Variants in ZNF431 observed in about 807,000 individuals in gnomAD.
The protein encoded by ZNF431 is zinc finger protein 431.
Under a neutral mutation model 57.0 loss-of-function variants are expected in ZNF431, and 34 were observed. That is an observed-to-expected ratio of 0.60 (90% CI 0.45 to 0.79). ZNF431 has a LOEUF of 0.79. Ranked by LOEUF, ZNF431 falls within the 30% of genes least tolerant of loss-of-function variation. The pLI is 0.00. For synonymous variants in ZNF431, 207 were observed against 220.3 expected (o/e 0.94, Z 0.54); for missense variants, 607 against 667.1 (o/e 0.91, Z 0.99).
intron 2 of ZNF431, among the ~76,000 whole-genome samples, chr19:21,160,247 G>A (rs1312591796): frequency 6.6e-6 from 1 of 152,056 alleles, no homozygotes; most frequent in African/African-American, 2.4e-5. Flanking sequence ...CTGAAACCCC[G>A]CTTTGAGAAT....
At position 21,144,374 on chromosome 19, in the gene ZNF431, A is replaced by AT. The variant is rs1026866610; in HGVS notation, c.96+740dup. Reference sequence around the variant, plus strand: ...CCACCACACCCAGCTAATTTTTTGTATTTTTTTTTAGTAGAGACAGGGTTT... The same window carrying AT: ...CCACCACACCCAGCTAATTTTTTGTATTTTTTTTTTAGTAGAGACAGGGTTT... On this transcript the variant is annotated intron_variant, in intron 2 of 4. Transcript: ENST00000311048. Among the ~76,000 whole-genome samples, 242 of 149,682 alleles carry AT rather than the reference A, an allele frequency of 1.6e-3. 1 individual carries two copies. The highest frequency in any genetic ancestry group is 5.3e-3 in the African/African-American group (215 of 40,750).
At position 21,150,229 on chromosome 19, in the gene ZNF431, G is replaced by A. The variant is rs562639365; in HGVS notation, c.96+6586G>A. 52 of 525,742 alleles carry A rather than the reference G, an allele frequency of 9.9e-5. No individual in the cohort carries two copies. The East Asian group carries it at 1.5e-3, about 16-fold the overall frequency. The allele number at this position is 525,742 out of a possible 1,614,324, so 32.6% of individuals were successfully genotyped here. On this transcript the variant is annotated intron_variant, in intron 2 of 4. Coordinates refer to ENST00000311048, the MANE Select transcript of ZNF431 (RefSeq NM_133473.4). ...TAATCACAGAAAAACACTTTCAGCCGCCTATAGAGGATGGCTCTTTGCTGC... is the reference window on the plus strand; with the variant it reads ...TAATCACAGAAAAACACTTTCAGCCACCTATAGAGGATGGCTCTTTGCTGC...
At chr19:21,152,808 G>A (rs899278197) in intron 2 of ZNF431, among the ~76,000 whole-genome samples, 7 of 152,014 alleles carry the variant, frequency 4.6e-5, no homozygotes, top group African/African-American at 1.7e-4. Flanking sequence ...TTTTCCTTTG[G>A]GTCAGAGGTC....
chr19:21,164,185 A>G (rs1350782770), intron 2 of ZNF431, among the ~76,000 whole-genome samples: 1 of 152,008 alleles, frequency 6.6e-6, no homozygotes, highest in Non-Finnish European at 1.5e-5. Flanking sequence ...GAAGGGCCTC[A>G]TGTGACTCTA....
At chr19:21,166,503 T>C in intron 3 of ZNF431, 42 bp downstream of exon 3, 1 of 1,552,540 alleles carries the variant, frequency 6.4e-7, no homozygotes, top group Non-Finnish European at 8.6e-7. Context: ...ATGCCCTAAA[T>C]GTTTCATGTC....
At chr19:21,162,964 C>T (rs898608187) in intron 2 of ZNF431, among the ~76,000 whole-genome samples, 6 of 151,230 alleles carry the variant, frequency 4.0e-5, no homozygotes, top group African/African-American at 1.5e-4. Flanking sequence ...TCCCTCCTAT[C>T]TGTCTATATT....
Position 21,193,033 on chromosome 19 carries a change from A to G in ZNF431, c.*8999A>G, listed in dbSNP as rs1456334480. 1 of 152,202 alleles carries G rather than the reference A, an allele frequency of 6.6e-6. No individual in the cohort carries two copies. Among genetic ancestry groups the G allele is most frequent in the African/African-American group, 2.4e-5 (1 of 41,448 alleles). 9.4% of individuals were successfully genotyped at this position (152,202 alleles called of 1,614,324 possible). ...AAACCAGGAAGGAACAGAACTCTTG[A>G]ACAGGGCAAAAATGTATAAAATATA... On this transcript the variant is annotated 3_prime_UTR_variant, in exon 5 of 5. Transcript: ENST00000311048.
At chr19:21,151,229 G>A (rs1324810890) in intron 2 of ZNF431, 1 of 151,996 alleles carries the variant, frequency 6.6e-6, no homozygotes, top group Non-Finnish European at 1.5e-5. Flanking sequence ...CTAATTTTTT[G>A]TATTTTTAGT....
rs1328798588 is a variant in ZNF431 at position 21,189,639 on chromosome 19, G to T, written c.*5605G>T. 4 of 354,056 alleles carry T rather than the reference G, an allele frequency of 1.1e-5. No homozygotes were observed. Among genetic ancestry groups the T allele is most frequent in the Admixed American group, 4.7e-5 (1 of 21,098 alleles). The allele number at this position is 354,056 out of a possible 1,614,324, so 21.9% of individuals were successfully genotyped here. On this transcript the variant is annotated 3_prime_UTR_variant, in exon 5 of 5. Coordinates refer to ENST00000311048, the MANE Select transcript of ZNF431 (RefSeq NM_133473.4). ...ATTTCTTCCATTTGACTATAATTAT[G>T]TATTATTTCACAAACATGTTTCCAG... is the stretch of plus-strand genomic sequence containing the variant.
rs759807857 is a variant in ZNF431 at position 21,167,634 on chromosome 19, T to C, written c.287T>C (p.Met96Thr). 5.0e-6 allele frequency: 8 copies of C among 1,588,586 alleles called. No homozygotes were observed. Among genetic ancestry groups the C allele is most frequent in the South Asian group, 1.1e-5 (1 of 89,330 alleles). Reference protein sequence around the residue: ...CLEQEKEPWNMKRHEMVDEPP... With the variant: ...CLEQEKEPWNTKRHEMVDEPP... ...GAGCAAGAAAAAGAGCCCTGGAATATGAAGAGACATGAGATGGTGGATGAA... is the reference window on the plus strand; with the variant it reads ...GAGCAAGAAAAAGAGCCCTGGAATACGAAGAGACATGAGATGGTGGATGAA... The change falls in exon 4 of 5, where the codon ATG (methionine) becomes ACG (threonine). Residue 96 changes from methionine (M) to threonine (T), a missense_variant. Transcript: ENST00000311048.
In ZNF431 at chr19:21,170,308, A is replaced by AT. The variant is rs373302025; in HGVS notation, c.319+2648dup. ...TGATGGCTGGCTGTCTCATGAAGGCATTTTTTGTCAGGGATGACTGAATAA... is the reference window on the plus strand; with the variant it reads ...TGATGGCTGGCTGTCTCATGAAGGCATTTTTTTGTCAGGGATGACTGAATAA... On this transcript the variant is annotated intron_variant, in intron 4 of 4. Coordinates refer to ENST00000311048, the MANE Select transcript of ZNF431 (RefSeq NM_133473.4). Among the ~76,000 whole-genome samples, 1,005 of 152,284 alleles carry AT rather than the reference A, an allele frequency of 6.6e-3. 16 individuals are homozygous for AT. Among genetic ancestry groups the AT allele is most frequent in the African/African-American group, 0.023 (974 of 41,556 alleles).
At chr19:21,165,010 G>A (rs1226755265) in intron 2 of ZNF431, among the ~76,000 whole-genome samples, 2 of 149,934 alleles carry the variant, frequency 1.3e-5, no homozygotes, top group African/African-American at 5.0e-5. Flanking sequence ...CTAGGAGGCT[G>A]AGGCAGGAGA....
In ZNF431 at chr19:21,144,423, C is replaced by T. The variant is rs181791038; in HGVS notation, c.96+780C>T. Among the ~76,000 whole-genome samples the T allele has an allele frequency of 2.6e-3, 391 of 152,012 alleles. 4 individuals carry two copies. Among genetic ancestry groups the T allele is most frequent in the Admixed American group, 7.2e-3 (110 of 15,276 alleles). ...TTCATCATGTTGGCCAGGCTGGTCT[C>T]GAACTCCTGACCTCAGATGATCTGC... On this transcript the variant is annotated intron_variant, in intron 2 of 4. Coordinates refer to ENST00000311048, the MANE Select transcript of ZNF431 (RefSeq NM_133473.4).
At chr19:21,142,540 C>T (rs867964812) in intron 1 of ZNF431, among the ~76,000 whole-genome samples, 1 of 152,180 alleles carries the variant, frequency 6.6e-6, no homozygotes, top group East Asian at 1.9e-4. Context: ...ATGGGAAGAG[C>T]TTTGTTCCGT....
At position 21,195,941 on chromosome 19, in the gene ZNF431, TGTG is replaced by T. The variant is rs1851093078; in HGVS notation, c.*11910_*11912del. On this transcript the variant is annotated 3_prime_UTR_variant, in exon 5 of 5. Transcript: ENST00000311048. The stretch of plus-strand genomic sequence containing the variant: ...TTAACTGGAAATCATATTCGTAAGT[TGTG>T]GTAGATATTATCATCAGTGTATTCA... 1 of 152,222 alleles carries T rather than the reference TGTG, an allele frequency of 6.6e-6. No homozygotes were observed. The highest frequency in any genetic ancestry group is 2.4e-5 in the African/African-American group (1 of 41,458). 9.4% of individuals were successfully genotyped at this position (152,222 alleles called of 1,614,324 possible).
Position 21,185,943 on chromosome 19 carries a change from A to T in ZNF431, c.*1909A>T, listed in dbSNP as rs1971364583. The T allele has an allele frequency of 6.6e-6, 1 of 152,200 alleles. No homozygotes were observed. The highest frequency in any genetic ancestry group is 6.5e-5 in the Admixed American group (1 of 15,278). The allele number at this position is 152,200 out of a possible 1,614,324, so 9.4% of individuals were successfully genotyped here. A position where few individuals can be genotyped will look rare whatever the true frequency, so the allele number is the denominator to read the frequency against. On this transcript the variant is annotated 3_prime_UTR_variant, in exon 5 of 5. Transcript: ENST00000311048. ...GTGTTATTTTTATCGTCATAATAAAAATTATATACGAGTATAAATGAAATT... is the reference window on the plus strand; with the variant it reads ...GTGTTATTTTTATCGTCATAATAAATATTATATACGAGTATAAATGAAATT...
In ZNF431 at chr19:21,189,785, C is replaced by T. The variant is rs966744568; in HGVS notation, c.*5751C>T. On this transcript the variant is annotated 3_prime_UTR_variant, in exon 5 of 5. Transcript: ENST00000311048. Reference sequence around the variant, plus strand: ...ATTATGAGACACTAATCTTTCTGTGCCTTGCTTATCCCAACTAATACAATG... The same window carrying T: ...ATTATGAGACACTAATCTTTCTGTGTCTTGCTTATCCCAACTAATACAATG... 1 of 396,382 alleles carries T rather than the reference C, an allele frequency of 2.5e-6. No homozygotes were observed. Among genetic ancestry groups the T allele is most frequent in the Admixed American group, 4.4e-5 (1 of 22,680 alleles). The allele number at this position is 396,382 out of a possible 1,614,324, so 24.6% of individuals were successfully genotyped here.
At chr19:21,164,348 T>C (rs1443616999) in intron 2 of ZNF431, among the ~76,000 whole-genome samples, 2 of 152,038 alleles carry the variant, frequency 1.3e-5, no homozygotes, top group Non-Finnish European at 2.9e-5. Flanking sequence ...GTAGCAGAAT[T>C]TGCTGGTGTC....
intron 2 of ZNF431, among the ~76,000 whole-genome samples, chr19:21,161,020 T>G (rs190666825): frequency 1.3e-5 from 2 of 152,082 alleles, no homozygotes; most frequent in Admixed American, 1.3e-4. Flanking sequence ...ATACAAAAAT[T>G]AGCTGGGCTT....
Sources: allele counts gnomAD v4.1 joint callset (sites outside exome capture counted in the v4.1 genomes callset), GRCh38; gene constraint gnomAD v4.1.1; transcripts MANE v1.5; gene names NCBI Gene and HGNC (gene_info 2026-07-23, HGNC 2026-07-21).